Variants in EXOC2 observed in about 807,000 individuals in gnomAD.
EXOC2 encodes the protein SEC5-like 1.
In EXOC2, 70 loss-of-function variants were observed where a neutral mutation model predicts 131.8. The observed-to-expected ratio is 0.53, with a 90% confidence interval of 0.44 to 0.65. The LOEUF is 0.65. Ranked by LOEUF, EXOC2 falls within the 30% of genes least tolerant of loss-of-function variation. The pLI, the probability that EXOC2 is intolerant of heterozygous loss-of-function variation, is 0.00. For synonymous variants in EXOC2, 411 were observed against 398.4 expected (o/e 1.03, Z -0.38); for missense variants, 923 against 1,108.6 (o/e 0.83, Z 2.38).
intron 14 of EXOC2, 68 bp from the exon 15 acceptor site, chr6:564,770 G>A (rs1326793092): frequency 2.5e-6 from 4 of 1,573,728 alleles, no homozygotes; most frequent in East Asian, 2.2e-5. Context: ...ACTAAAAGAT[G>A]CTGCCTGGGC....
intron 23 of EXOC2, among the ~76,000 whole-genome samples, chr6:527,531 C>T (rs1475212407): frequency 6.6e-6 from 1 of 152,254 alleles, no homozygotes; most frequent in East Asian, 1.9e-4. Context: ...GGACAACACA[C>T]TTACAAGTTT....
At chr6:585,487 T>G in intron 11 of EXOC2, among the ~76,000 whole-genome samples, 1 of 152,198 alleles carries the variant, frequency 6.6e-6, no homozygotes. Context: ...CTCATAGAAT[T>G]ATCAACTGTA....
intron 10 of EXOC2, among the ~76,000 whole-genome samples, chr6:595,236 C>T (rs1174227480): frequency 6.6e-6 from 1 of 151,970 alleles, no homozygotes; most frequent in East Asian, 1.9e-4. Context: ...TGATTTTCCC[C>T]TCTACTATGC....
intron 7 of EXOC2, among the ~76,000 whole-genome samples, chr6:608,012 T>C (rs1760512965): frequency 6.6e-6 from 1 of 152,210 alleles, no homozygotes; most frequent in Non-Finnish European, 1.5e-5. Context: ...ACTGAAGAAA[T>C]ATCCATATAC....
At chr6:574,027 G>A (rs1455438297) in intron 12 of EXOC2, among the ~76,000 whole-genome samples, 1 of 152,196 alleles carries the variant, frequency 6.6e-6, no homozygotes, top group African/African-American at 2.4e-5. Flanking sequence ...GGATCCTGGA[G>A]TTCTTCTGTA....
chr6:521,382 G>C (rs1008603694), intron 23 of EXOC2, among the ~76,000 whole-genome samples: 18 of 152,274 alleles, frequency 1.2e-4, no homozygotes, highest in Non-Finnish European at 8.8e-5. Flanking sequence ...ATTCTGAAAA[G>C]TGTCCCAACA....
At chr6:673,383 A>C (rs1307172079) in intron 1 of EXOC2, among the ~76,000 whole-genome samples, 2 of 152,078 alleles carry the variant, frequency 1.3e-5, no homozygotes, top group Non-Finnish European at 2.9e-5. Context: ...TTAAGCCTCA[A>C]CAGTATTTGG....
chr6:662,018 A>G (rs771096230), intron 1 of EXOC2, among the ~76,000 whole-genome samples: 1 of 152,266 alleles, frequency 6.6e-6, no homozygotes, highest in Non-Finnish European at 1.5e-5. Context: ...TATATCAGAC[A>G]AAACAAACTT....
chr6:635,322 G>A (rs749105449), intron 2 of EXOC2, among the ~76,000 whole-genome samples: 3 of 152,290 alleles, frequency 2.0e-5, no homozygotes, highest in African/African-American at 2.4e-5. Context: ...GGAGGTCCCC[G>A]TTGGCACAAA....
At chr6:492,215 T>C (rs1763475982) in intron 25 of EXOC2, among the ~76,000 whole-genome samples, 1 of 152,182 alleles carries the variant, frequency 6.6e-6, no homozygotes, top group Non-Finnish European at 1.5e-5. Flanking sequence ...CAGAATGAGG[T>C]ATCACTTCAC....
chr6:534,102 G>A (rs768722841), intron 22 of EXOC2, among the ~76,000 whole-genome samples: 2 of 152,206 alleles, frequency 1.3e-5, no homozygotes, highest in Non-Finnish European at 2.9e-5. Flanking sequence ...GGTCACTGTT[G>A]AGACTGATCT....
At chr6:615,522 T>C (rs1458746485) in intron 6 of EXOC2, among the ~76,000 whole-genome samples, 1 of 152,148 alleles carries the variant, frequency 6.6e-6, no homozygotes, top group Non-Finnish European at 1.5e-5. Context: ...ACCTTGTTTC[T>C]TCAACAAATC....
rs1247624576 is a variant in EXOC2, at chr6:629,851, C to T, written c.406G>A (p.Gly136Ser). The T allele has an allele frequency of 6.2e-7, 1 of 1,613,600 alleles. No homozygotes were observed. The highest frequency in any genetic ancestry group is 1.3e-5 in the African/African-American group (1 of 74,884). Residue 136 changes from glycine (G) to serine (S), a missense_variant, in exon 4 of 28, where the codon GGC becomes AGC. Transcript: ENST00000230449. The part of the protein sequence containing the change: ...PLSLRPANPL[G>S]IEIEKSKFSQ... The stretch of plus-strand genomic sequence containing the variant: ...GGTACTCACTTTTCAATCTCAATGC[C>T]AAGCGGGTTAGCAGGACGTAAGGAC...
intron 23 of EXOC2, among the ~76,000 whole-genome samples, chr6:516,256 G>A (rs1381552742): frequency 2.6e-5 from 4 of 152,314 alleles, no homozygotes; most frequent in Middle Eastern, 3.4e-3. Flanking sequence ...GGGAGAATAC[G>A]CATTTCTAAC....
intron 25 of EXOC2, among the ~76,000 whole-genome samples, chr6:495,717 T>C (rs1038207904): frequency 1.6e-4 from 24 of 152,214 alleles, no homozygotes; most frequent in Non-Finnish European, 1.9e-4. Context: ...CTTTAATTTT[T>C]ATCCTGATGG....
In EXOC2 at chr6:667,485, A is replaced by C. The variant is rs1285166228; in HGVS notation, c.-44+25534T>G. ...CATTTGAATCAGTGGACCAAGTAAG[A>C]AAGCTCTGTTGTCACCCATTGTGAG... On this transcript the variant is annotated intron_variant, in intron 1 of 27. Coordinates refer to ENST00000230449, the MANE Select transcript of EXOC2 (RefSeq NM_018303.6). Among the ~76,000 whole-genome samples the C allele has an allele frequency of 7.2e-5, 7 of 97,210 alleles. 2 individuals carry two copies. The highest frequency in any genetic ancestry group is 1.5e-4 in the Non-Finnish European group (6 of 41,102). The allele number at this position is 97,210 out of a possible 152,430, so 63.8% of individuals were successfully genotyped here.
chr6:621,423 T>C (rs1262328213), intron 4 of EXOC2, among the ~76,000 whole-genome samples: 1 of 152,154 alleles, frequency 6.6e-6, no homozygotes, highest in Non-Finnish European at 1.5e-5. Context: ...CAAAACCAGA[T>C]CTCGAGGAGT....
chr6:638,674 T>A (rs189274659), intron 1 of EXOC2, among the ~76,000 whole-genome samples: 12 of 152,368 alleles, frequency 7.9e-5, no homozygotes, highest in Non-Finnish European at 1.6e-4. Flanking sequence ...GGCTCATGCC[T>A]GTAATCCCAG....
At chr6:564,393 C>T (rs1581447430) in intron 15 of EXOC2, 152 bp downstream of exon 15, 1 of 1,200,242 alleles carries the variant, frequency 8.3e-7, no homozygotes, top group East Asian at 2.4e-5. Context: ...CAGTGAGGAG[C>T]TTAGCTGTCA....
Sources: gnomAD v4.1 joint callset for allele counts (sites outside exome capture counted in the v4.1 genomes callset) on GRCh38, gnomAD v4.1.1 for gene constraint, MANE v1.5 for transcripts, NCBI Gene and HGNC (gene_info 2026-07-23, HGNC 2026-07-21) for gene names.